IPPK: variants seen among roughly 807,000 people sequenced by gnomAD.
IPPK encodes IPK1 homolog.
Under a neutral mutation model 64.6 loss-of-function variants are expected in IPPK, and 22 were observed. That is an observed-to-expected ratio of 0.34 (90% CI 0.24 to 0.49). The LOEUF (loss-of-function observed/expected upper bound fraction) is 0.49. Among genes scored for constraint, IPPK ranks in the 20% least tolerant of loss-of-function variants. The pLI, the probability that IPPK is intolerant of heterozygous loss-of-function variation, is 0.99. For synonymous variants in IPPK, 262 were observed against 247.2 expected, an observed-to-expected ratio of 1.06 and a Z score of -0.56; for missense variants, 532 against 630.7, an observed-to-expected ratio of 0.84 and a Z score of 1.68.
chr9:92,657,758 C>T (rs1035007624), intron 2 of IPPK, among the ~76,000 whole-genome samples: 2 of 152,326 alleles, frequency 1.3e-5, no homozygotes, highest in East Asian at 1.9e-4. Context: ...GCCCCACCAA[C>T]GGCAGCTTTC....
At chr9:92,633,700 T>A (rs867423276) in intron 11 of IPPK, among the ~76,000 whole-genome samples, 7 of 152,248 alleles carry the variant, frequency 4.6e-5, no homozygotes, top group Non-Finnish European at 8.8e-5. Flanking sequence ...CAGTGATGAA[T>A]AAACCACATC....
At chr9:92,630,033 C>T (rs145199136) in intron 11 of IPPK, among the ~76,000 whole-genome samples, 1 of 152,304 alleles carries the variant, frequency 6.6e-6, no homozygotes, top group African/African-American at 2.4e-5. Context: ...CAATTCCACT[C>T]CTAGGCATAT....
Position 92,615,721 on chromosome 9 carries a change from G to A in IPPK, c.*111C>T. On this transcript the variant is annotated 3_prime_UTR_variant, in exon 13 of 13. Coordinates refer to ENST00000287996, the MANE Select transcript of IPPK (RefSeq NM_022755.6). ...CAAGAGGCAATCCCACCTCAAAAGG[G>A]GTTAAAAGCAAAAACATTCACAACC... 1 of 817,050 alleles carries A rather than the reference G, an allele frequency of 1.2e-6. No homozygotes were observed. The highest frequency in any genetic ancestry group is 1.7e-5 in the African/African-American group (1 of 58,880). 50.6% of individuals were successfully genotyped at this position (817,050 alleles called of 1,614,324 possible).
intron 3 of IPPK, among the ~76,000 whole-genome samples, chr9:92,653,841 C>T (rs2131454690): frequency 6.6e-6 from 1 of 152,194 alleles, no homozygotes; most frequent in East Asian, 1.9e-4. Context: ...GAGAATTTGT[C>T]TCAAAAACAA....
chr9:92,645,822 G>C (rs1315579858), intron 6 of IPPK, among the ~76,000 whole-genome samples: 1 of 151,864 alleles, frequency 6.6e-6, no homozygotes, highest in African/African-American at 2.4e-5. Context: ...ATAACTAAAA[G>C]AATTCATTGC....
intron 11 of IPPK, among the ~76,000 whole-genome samples, chr9:92,625,274 C>T (rs1049794414): frequency 1.3e-5 from 2 of 152,094 alleles, no homozygotes; most frequent in African/African-American, 2.4e-5. Flanking sequence ...CATGGGGAAA[C>T]TGTCTTCAAC....
chr9:92,661,665 T>C (rs779542549), intron 1 of IPPK, among the ~76,000 whole-genome samples: 2 of 152,224 alleles, frequency 1.3e-5, no homozygotes, highest in Non-Finnish European at 2.9e-5. Flanking sequence ...CAGTGATTTG[T>C]CCATTTCAAG....
intron 3 of IPPK, among the ~76,000 whole-genome samples, chr9:92,653,189 G>A (rs1852303132): frequency 6.6e-6 from 1 of 152,212 alleles, no homozygotes; most frequent in Non-Finnish European, 1.5e-5. Context: ...TGGCTCTTCT[G>A]TGCAGTTTCC....
intron 1 of IPPK, among the ~76,000 whole-genome samples, chr9:92,665,652 A>G (rs1380377225): frequency 6.6e-6 from 1 of 152,102 alleles, no homozygotes; most frequent in African/African-American, 2.4e-5. Flanking sequence ...ATTTTCATCT[A>G]TTTTCTTCTA....
chr9:92,627,293 A>C (rs1851751386), intron 11 of IPPK, among the ~76,000 whole-genome samples: 1 of 152,242 alleles, frequency 6.6e-6, no homozygotes. Context: ...TTAAAGAATA[A>C]TTAATACCAA....
intron 11 of IPPK, among the ~76,000 whole-genome samples, 185 bp downstream of exon 11, chr9:92,634,201 C>T (rs1325790799): frequency 6.6e-6 from 1 of 152,238 alleles, no homozygotes; most frequent in Non-Finnish European, 1.5e-5. Context: ...CCCCTTAAAA[C>T]CTCAATGCAC....
intron 12 of IPPK, chr9:92,617,252 C>T (rs1339611858): frequency 1.3e-5 from 2 of 152,190 alleles, no homozygotes; most frequent in Admixed American, 1.3e-4. Flanking sequence ...AGGCCTGAGA[C>T]CCAAGCTGGG....
intron 11 of IPPK, among the ~76,000 whole-genome samples, chr9:92,631,784 A>C (rs532266395): frequency 6.6e-6 from 1 of 152,210 alleles, no homozygotes; most frequent in Non-Finnish European, 1.5e-5. Flanking sequence ...AGTGTGTATG[A>C]GAGTGTGTGT....
chr9:92,668,986 G>A (rs898626511), intron 1 of IPPK, among the ~76,000 whole-genome samples: 4 of 152,196 alleles, frequency 2.6e-5, no homozygotes, highest in Admixed American at 2.0e-4. Flanking sequence ...ATCTGTCCAA[G>A]GGATGACAAT....
chr9:92,666,900 T>C (rs76581241), intron 1 of IPPK, among the ~76,000 whole-genome samples: 7,815 of 152,136 alleles, frequency 0.051, 237 homozygotes, highest in South Asian at 0.11. Context: ...TTCCTACAAG[T>C]CCTGCGCTGC....
intron 4 of IPPK, among the ~76,000 whole-genome samples, chr9:92,649,823 C>T (rs1453211065): frequency 6.6e-5 from 10 of 151,736 alleles, no homozygotes; most frequent in African/African-American, 9.7e-5. Context: ...GTCAGGAGTT[C>T]GAGACTAGCC....
intron 3 of IPPK, among the ~76,000 whole-genome samples, chr9:92,655,143 C>T (rs774556136): frequency 2.0e-4 from 31 of 152,220 alleles, no homozygotes; most frequent in African/African-American, 7.5e-4. Flanking sequence ...CTCTGTCTCA[C>T]GGTCTCATCA....
chr9:92,618,137 C>A, intron 12 of IPPK: 1 of 425,794 alleles, frequency 2.3e-6, no homozygotes, highest in Admixed American at 2.6e-5. Flanking sequence ...TTCCTGGAAG[C>A]AGGCCCAGCC....
At chr9:92,667,021 G>A (rs964305119) in intron 1 of IPPK, among the ~76,000 whole-genome samples, 5 of 152,150 alleles carry the variant, frequency 3.3e-5, no homozygotes, top group Non-Finnish European at 5.9e-5. Context: ...TAGGCCCTCG[G>A]CTCCTGCAGG....
Sources: gnomAD v4.1 joint callset for allele counts (sites outside exome capture counted in the v4.1 genomes callset) on GRCh38, gnomAD v4.1.1 for gene constraint, MANE v1.5 for transcripts, NCBI Gene and HGNC (gene_info 2026-07-23, HGNC 2026-07-21) for gene names.